Variants in KCNMB2 observed in about 807,000 individuals in gnomAD.
KCNMB2 encodes the protein potassium calcium-activated channel subfamily M regulatory beta subunit 2, also known as calcium-activated potassium channel subunit beta-2.
KCNMB2 carries 9 observed loss-of-function variants against 24.5 expected under a neutral mutation model. That is an observed-to-expected ratio of 0.37 (90% CI 0.22 to 0.64). KCNMB2 has a LOEUF of 0.64. Ranked by LOEUF, KCNMB2 falls within the 30% of genes least tolerant of loss-of-function variation. KCNMB2 has a pLI of 0.63. For synonymous variants in KCNMB2, 109 were observed against 104.4 expected (o/e 1.04, Z -0.27); for missense variants, 226 against 284.3 (o/e 0.79, Z 1.47).
chr3:178,771,481 T>A (rs1312917367), intron 1 of KCNMB2, among the ~76,000 whole-genome samples: 1 of 134,064 alleles, frequency 7.5e-6, no homozygotes, highest in Non-Finnish European at 1.6e-5. Context: ...TTCTTTTTTT[T>A]TTTTTTTTTT....
chr3:178,681,266 T>C (rs1721261719), intron 1 of KCNMB2, among the ~76,000 whole-genome samples: 2 of 73,138 alleles, frequency 2.7e-5, no homozygotes, highest in Admixed American at 1.2e-4. Flanking sequence ...GTTAGCCAAA[T>C]AGTATAACAA....
At chr3:178,815,049 A>C (rs559365619) in intron 2 of KCNMB2, among the ~76,000 whole-genome samples, 2 of 151,922 alleles carry the variant, frequency 1.3e-5, no homozygotes, top group Non-Finnish European at 2.9e-5. Flanking sequence ...TAATGTTTAA[A>C]TTACACCATT....
intron 1 of KCNMB2, among the ~76,000 whole-genome samples, chr3:178,758,494 A>ATGTG (rs1491430268): frequency 3.6e-5 from 1 of 27,770 alleles, no homozygotes; most frequent in African/African-American, 2.0e-4. Context: ...GAGGTGATTG[A>ATGTG]TATATATATA....
intron 1 of KCNMB2, among the ~76,000 whole-genome samples, chr3:178,667,994 C>G (rs1291057682): frequency 6.6e-6 from 1 of 152,124 alleles, no homozygotes; most frequent in Non-Finnish European, 1.5e-5. Flanking sequence ...GTACGTATCT[C>G]TTTTTACATA....
At chr3:178,687,960 G>A (rs552325595) in intron 1 of KCNMB2, among the ~76,000 whole-genome samples, 1 of 152,200 alleles carries the variant, frequency 6.6e-6, no homozygotes, top group African/African-American at 2.4e-5. Flanking sequence ...CAGAAACTTT[G>A]GGTCCACTGT....
chr3:178,561,040 A>G (rs747040474), intron 1 of KCNMB2, among the ~76,000 whole-genome samples: 17 of 152,232 alleles, frequency 1.1e-4, no homozygotes, highest in Non-Finnish European at 2.2e-4. Context: ...TGCATCCAAA[A>G]AAGTGCCAAC....
At chr3:178,691,105 G>GTTTTTTTTTTTT (rs1310077931) in intron 1 of KCNMB2, among the ~76,000 whole-genome samples, 1 of 32,956 alleles carries the variant, frequency 3.0e-5, no homozygotes, top group African/African-American at 2.3e-4. Flanking sequence ...TCCCCATTAA[G>GTTTTTTTTTTTT]TCTTTTTTTT....
chr3:178,696,676 T>G (rs1721890005), intron 1 of KCNMB2, among the ~76,000 whole-genome samples: 1 of 152,216 alleles, frequency 6.6e-6, no homozygotes, highest in Non-Finnish European at 1.5e-5. Flanking sequence ...CTCTAGCTCT[T>G]TCAGTTGTGA....
At chr3:178,771,905 C>T (rs569516545) in intron 1 of KCNMB2, among the ~76,000 whole-genome samples, 7 of 152,150 alleles carry the variant, frequency 4.6e-5, no homozygotes, top group African/African-American at 1.7e-4. Flanking sequence ...CTCCTTACTT[C>T]ATGGAGAGAT....
intron 1 of KCNMB2, among the ~76,000 whole-genome samples, chr3:178,553,233 T>A (rs1419284639): frequency 6.6e-6 from 1 of 152,218 alleles, no homozygotes; most frequent in Non-Finnish European, 1.5e-5. Flanking sequence ...GGAAACAGAT[T>A]TCCCTTATTA....
At chr3:178,688,026 G>A (rs1166679833) in intron 1 of KCNMB2, among the ~76,000 whole-genome samples, 3 of 152,078 alleles carry the variant, frequency 2.0e-5, no homozygotes, top group Admixed American at 1.3e-4. Context: ...ATTATTAATG[G>A]AATACAGGAG....
chr3:178,553,100 A>C (rs1716011163), intron 1 of KCNMB2, among the ~76,000 whole-genome samples: 1 of 152,256 alleles, frequency 6.6e-6, no homozygotes, highest in Non-Finnish European at 1.5e-5. Flanking sequence ...ACAAAAGAAA[A>C]TCAATTTTAA....
intron 1 of KCNMB2, among the ~76,000 whole-genome samples, chr3:178,604,458 C>A (rs1301333235): frequency 6.6e-6 from 1 of 150,956 alleles, no homozygotes; most frequent in African/African-American, 2.4e-5. Flanking sequence ...TTATAGCATG[C>A]AGCCAACAGC....
intron 4 of KCNMB2, 113 bp from the exon 5 acceptor site, chr3:178,842,540 T>C (rs1289363689): frequency 1.4e-6 from 1 of 704,406 alleles, no homozygotes; most frequent in Admixed American, 2.5e-5. Flanking sequence ...ATGAAAAGAA[T>C]AACCACCATG....
At chr3:178,829,997 A>G (rs754211500) in intron 4 of KCNMB2, among the ~76,000 whole-genome samples, 1 of 152,190 alleles carries the variant, frequency 6.6e-6, no homozygotes, top group Non-Finnish European at 1.5e-5. Flanking sequence ...CCTTAAGGGT[A>G]AAGAAATACA....
intron 1 of KCNMB2, among the ~76,000 whole-genome samples, chr3:178,799,882 A>G (rs777033113): frequency 1.4e-4 from 22 of 152,204 alleles, no homozygotes; most frequent in Non-Finnish European, 3.1e-4. Context: ...ACACATCTAC[A>G]TTAAACTCAT....
At chr3:178,717,507 A>C (rs1722657074) in intron 1 of KCNMB2, among the ~76,000 whole-genome samples, 1 of 152,156 alleles carries the variant, frequency 6.6e-6, no homozygotes, top group Non-Finnish European at 1.5e-5. Flanking sequence ...CCAGTCTGCC[A>C]GGTCCAAACT....
chr3:178,783,685 A>T (rs1293835515), intron 1 of KCNMB2, among the ~76,000 whole-genome samples: 6 of 151,612 alleles, frequency 4.0e-5, no homozygotes, highest in African/African-American at 1.5e-4. Flanking sequence ...GCTTAAGGAG[A>T]TTTGGGGCTG....
chr3:178,680,213 G>A lies in KCNMB2; in HGVS notation c.-67-127130G>A, dbSNP rs559771076. 3.9e-5 allele frequency among the ~76,000 whole-genome samples: 6 copies of A among 152,288 alleles called. No homozygotes were observed. The South Asian group carries it at 1.2e-3, about 32-fold the overall frequency. Reference sequence around the variant, plus strand: ...AAGTTACTGCAAAGCCTGTGGGAGAGAGATAAGGTGAGGAAGAGCTGGGGA... The same window carrying A: ...AAGTTACTGCAAAGCCTGTGGGAGAAAGATAAGGTGAGGAAGAGCTGGGGA... On this transcript the variant is annotated intron_variant, in intron 1 of 4. Transcript: ENST00000452583.
Sources: gnomAD v4.1 joint callset for allele counts (sites outside exome capture counted in the v4.1 genomes callset) on GRCh38, gnomAD v4.1.1 for gene constraint, MANE v1.5 for transcripts, NCBI Gene and HGNC (gene_info 2026-07-23, HGNC 2026-07-21) for gene names.